The following ARID4B variants were observed in gnomAD, a reference collection of about 807,000 sequenced individuals.
ARID4B encodes AT-rich interaction domain 4B, also known as AT-rich interactive domain-containing protein 4B.
A neutral mutation model predicts 147.5 loss-of-function variants in ARID4B; 26 were observed. That is an observed-to-expected ratio of 0.18 (90% CI 0.13 to 0.24). ARID4B has a LOEUF of 0.24. ARID4B is among the 10% of genes least tolerant of loss of function. ARID4B has a pLI of 1.00. For synonymous variants in ARID4B, 512 were observed against 507.9 expected, an observed-to-expected ratio of 1.01 and a Z score of -0.11; for missense variants, 1,179 against 1,511.5, an observed-to-expected ratio of 0.78 and a Z score of 3.65.
At chr1:235,251,234 GT>G (rs1669624617) in intron 6 of ARID4B, among the ~76,000 whole-genome samples, 1 of 149,578 alleles carries the variant, frequency 6.7e-6, no homozygotes, top group Non-Finnish European at 1.5e-5. Flanking sequence ...AAAAAAAAAG[GT>G]CCTAAAACAA....
chr1:235,270,525 G>A (rs1286173599), intron 2 of ARID4B, among the ~76,000 whole-genome samples: 2 of 152,140 alleles, frequency 1.3e-5, no homozygotes, highest in Admixed American at 1.3e-4. Flanking sequence ...AGGGATATCT[G>A]CATAGTCACA....
intron 2 of ARID4B, among the ~76,000 whole-genome samples, chr1:235,277,280 G>A (rs1159141286): frequency 1.3e-5 from 2 of 151,636 alleles, no homozygotes; most frequent in Non-Finnish European, 2.9e-5. Flanking sequence ...GCTGGGTGCA[G>A]TGTAATCCCA....
At chr1:235,264,418 C>G (rs915981071) in intron 2 of ARID4B, among the ~76,000 whole-genome samples, 6 of 152,098 alleles carry the variant, frequency 3.9e-5, no homozygotes, top group Non-Finnish European at 2.9e-5. Context: ...TTTAGCTGGG[C>G]ATAAGGTATC....
intron 2 of ARID4B, among the ~76,000 whole-genome samples, chr1:235,312,529 T>G (rs890887262): frequency 3.3e-5 from 5 of 152,192 alleles, no homozygotes; most frequent in African/African-American, 1.2e-4. Flanking sequence ...TAATAAAAAT[T>G]TCTTTAATTT....
intron 19 of ARID4B, 123 bp from the exon 20 acceptor site, chr1:235,182,916 C>T: frequency 2.4e-6 from 2 of 824,290 alleles, no homozygotes; most frequent in Non-Finnish European, 3.5e-6. Flanking sequence ...TGGCTTTTAT[C>T]TCTATGTAAC....
intron 2 of ARID4B, among the ~76,000 whole-genome samples, chr1:235,261,656 T>C (rs1167410850): frequency 6.6e-6 from 1 of 152,250 alleles, no homozygotes; most frequent in Non-Finnish European, 1.5e-5. Flanking sequence ...ATATCTTAAA[T>C]GCTTTAATAG....
chr1:235,309,132 G>T (rs1356170172), intron 2 of ARID4B, among the ~76,000 whole-genome samples: 1 of 143,958 alleles, frequency 6.9e-6, no homozygotes. Flanking sequence ...CCGCCGCCCC[G>T]TCTGGGATGT....
At chr1:235,287,902 A>G (rs1295954827) in intron 2 of ARID4B, among the ~76,000 whole-genome samples, 5 of 152,216 alleles carry the variant, frequency 3.3e-5, no homozygotes, top group Non-Finnish European at 7.3e-5. Context: ...TTCCAGTCTT[A>G]CTCTGCCTTT....
intron 22 of ARID4B, 41 bp from the exon 23 acceptor site, chr1:235,172,805 A>C: frequency 3.5e-6 from 5 of 1,437,158 alleles, no homozygotes; most frequent in Non-Finnish European, 4.6e-6. Flanking sequence ...TTTTTAAAGA[A>C]AATTTTAACA....
At chr1:235,203,988 T>C (rs1666127051) in intron 17 of ARID4B, among the ~76,000 whole-genome samples, 1 of 152,176 alleles carries the variant, frequency 6.6e-6, no homozygotes, top group South Asian at 2.1e-4. Flanking sequence ...TTTAATCATG[T>C]ATCTACAATA....
intron 2 of ARID4B, among the ~76,000 whole-genome samples, chr1:235,288,808 T>C (rs1672145887): frequency 6.6e-6 from 1 of 152,200 alleles, no homozygotes; most frequent in Admixed American, 6.5e-5. Context: ...ATTTCTGAAG[T>C]ATAATTCTGG....
intron 2 of ARID4B, among the ~76,000 whole-genome samples, chr1:235,294,881 A>T (rs1353105400): frequency 6.6e-6 from 1 of 151,804 alleles, no homozygotes; most frequent in Non-Finnish European, 1.5e-5. Context: ...AAAATTGAAA[A>T]GGAAAAAACA....
At chr1:235,197,086 A>T (rs1665558993) in intron 17 of ARID4B, among the ~76,000 whole-genome samples, 1 of 152,078 alleles carries the variant, frequency 6.6e-6, no homozygotes, top group African/African-American at 2.4e-5. Flanking sequence ...ATAGGGTGCA[A>T]ATTACTATTA....
At chr1:235,223,868 T>C (rs935668929) in intron 12 of ARID4B, among the ~76,000 whole-genome samples, 2 of 152,122 alleles carry the variant, frequency 1.3e-5, no homozygotes, top group African/African-American at 4.8e-5. Flanking sequence ...TTAGATTTTA[T>C]TCATTTTCTT....
At chr1:235,235,766 TC>T (rs1227535410) in intron 8 of ARID4B, among the ~76,000 whole-genome samples, 2 of 151,884 alleles carry the variant, frequency 1.3e-5, no homozygotes, top group African/African-American at 4.8e-5. Flanking sequence ...ATCTAAGATT[TC>T]CCCCTCTTAA....
chr1:235,187,012 C>G (rs2102938627), intron 19 of ARID4B: 1 of 358,012 alleles, frequency 2.8e-6, no homozygotes, highest in Non-Finnish European at 5.3e-6. Context: ...TTTTTATCTC[C>G]AAGTCTTTCT....
chr1:235,309,663 C>G (rs1357101745), intron 2 of ARID4B, among the ~76,000 whole-genome samples: 30 of 148,880 alleles, frequency 2.0e-4, no homozygotes, highest in Non-Finnish European at 2.1e-4. Flanking sequence ...GCCACCCCGT[C>G]TGGGAGGTGT....
chr1:235,196,607 C>T (rs568520111), intron 17 of ARID4B, among the ~76,000 whole-genome samples: 1 of 152,166 alleles, frequency 6.6e-6, no homozygotes, highest in African/African-American at 2.4e-5. Flanking sequence ...AATCCTAGCA[C>T]TTTTGGGAGA....
intron 5 of ARID4B, among the ~76,000 whole-genome samples, chr1:235,255,267 A>AGATAGATAGATAGATCTATCTATCTATC (rs1553304359): frequency 3.6e-5 from 5 of 137,154 alleles, no homozygotes; most frequent in Non-Finnish European, 6.3e-5. Context: ...AGATAGATAT[A>AGATAGATAGATAGATCTATCTATCTATC]TATCTCTCTC....
Sources: allele counts gnomAD v4.1 joint callset (sites outside exome capture counted in the v4.1 genomes callset), GRCh38; gene constraint gnomAD v4.1.1; transcripts MANE v1.5; gene names NCBI Gene and HGNC (gene_info 2026-07-23, HGNC 2026-07-21).